The following CDC14B variants were observed in gnomAD, a reference collection of about 807,000 sequenced individuals.
CDC14B encodes the protein dual specificity protein phosphatase CDC14B.
Under a neutral mutation model 64.2 loss-of-function variants are expected in CDC14B, and 22 were observed. The observed-to-expected ratio is 0.34, with a 90% CI of 0.24 to 0.49. The LOEUF is 0.49. Among genes scored for constraint, CDC14B ranks in the 20% least tolerant of loss-of-function variants. The pLI is 0.99. For missense variants in CDC14B, 498 were observed against 629.9 expected (o/e 0.79, Z 2.24); for synonymous variants, 191 against 215.8 (o/e 0.89, Z 1.01).
intron 1 of CDC14B, among the ~76,000 whole-genome samples, chr9:96,611,613 G>A (rs1289116500): frequency 6.6e-6 from 1 of 152,092 alleles, no homozygotes; most frequent in African/African-American, 2.4e-5. Flanking sequence ...ATTTTTCCCA[G>A]GGTAATAAAA....
intron 1 of CDC14B, among the ~76,000 whole-genome samples, chr9:96,581,496 T>G (rs1323475879): frequency 6.6e-6 from 1 of 151,148 alleles, no homozygotes; most frequent in Non-Finnish European, 1.5e-5. Context: ...TTAAATTAAT[T>G]AAATTTAAAA....
intron 5 of CDC14B, among the ~76,000 whole-genome samples, chr9:96,545,723 T>G (rs563496182): frequency 6.6e-6 from 1 of 152,204 alleles, no homozygotes; most frequent in East Asian, 1.9e-4. Flanking sequence ...TTTTTTTTTT[T>G]TTTGAGAACC....
At chr9:96,494,710 TTTC>T (rs967633355) in intron 13 of CDC14B, among the ~76,000 whole-genome samples, 2 of 151,794 alleles carry the variant, frequency 1.3e-5, no homozygotes, top group African/African-American at 4.8e-5. Context: ...TCTTTCTTTC[TTTC>T]TTCCTTTCCT....
At position 96,507,646 on chromosome 9, in the gene CDC14B, C is replaced by T. The variant is rs182914534; in HGVS notation, c.1460+2027G>A. Among the ~76,000 whole-genome samples the T allele has an allele frequency of 1.6e-3, 248 of 152,122 alleles. 9 individuals are homozygous for T. The South Asian group carries it at 0.028, about 17-fold the overall frequency. On this transcript the variant is annotated intron_variant, in intron 13 of 13. Coordinates refer to ENST00000375241, the MANE Select transcript of CDC14B (RefSeq NM_033331.4). ...GGCCAGGCTGGTCTTGAACTCCTGA[C>T]CTCATAATCTACCTGCCTCGGCCTC... is the stretch of plus-strand genomic sequence containing the variant.
chr9:96,553,187 A>G (rs1475942687), intron 4 of CDC14B, among the ~76,000 whole-genome samples: 1 of 152,182 alleles, frequency 6.6e-6, no homozygotes, highest in Admixed American at 6.5e-5. Context: ...GAAATTTTTC[A>G]AAGTTCAAAG....
At chr9:96,555,147 C>T (rs951726316) in intron 4 of CDC14B, among the ~76,000 whole-genome samples, 4 of 152,198 alleles carry the variant, frequency 2.6e-5, no homozygotes, top group African/African-American at 9.7e-5. Flanking sequence ...GGCATTTCCA[C>T]CCTTGTGTGG....
intron 1 of CDC14B, among the ~76,000 whole-genome samples, chr9:96,599,033 G>A (rs539842935): frequency 4.6e-5 from 7 of 152,162 alleles, no homozygotes; most frequent in Non-Finnish European, 7.4e-5. Context: ...AAATTATGCC[G>A]TATCTTATAA....
chr9:96,588,710 C>T lies in CDC14B; in HGVS notation c.161-23227G>A, dbSNP rs1205924084. ...CTATGTTAACCAGACTGGTCTTGGA[C>T]TCCTGGGCTCAAGTGATCGTCCCAA... On this transcript the variant is annotated intron_variant, in intron 1 of 13. Coordinates refer to ENST00000375241, the MANE Select transcript of CDC14B (RefSeq NM_033331.4). Among the ~76,000 whole-genome samples, 4 of 152,120 alleles carry T rather than the reference C, an allele frequency of 2.6e-5. No individual in the cohort carries two copies. The South Asian group carries it at 8.3e-4, about 32-fold the overall frequency.
chr9:96,550,516 T>C (rs1411149945), intron 5 of CDC14B, among the ~76,000 whole-genome samples: 3 of 152,252 alleles, frequency 2.0e-5, no homozygotes, highest in Non-Finnish European at 4.4e-5. Flanking sequence ...GTTAGGGCCA[T>C]ACATTCAAAA....
chr9:96,593,491 A>G (rs1479705200), intron 1 of CDC14B, among the ~76,000 whole-genome samples: 1 of 151,790 alleles, frequency 6.6e-6, no homozygotes, highest in Non-Finnish European at 1.5e-5. Context: ...GGTCTCAAAA[A>G]AAAAAAAAAA....
At chr9:96,618,450 C>G (rs757702837) in intron 1 of CDC14B, 4 of 531,282 alleles carry the variant, frequency 7.5e-6, no homozygotes, top group Non-Finnish European at 1.5e-5. Context: ...CAAGAACAGT[C>G]GAATCAGCAC....
intron 1 of CDC14B, among the ~76,000 whole-genome samples, chr9:96,591,824 C>A (rs1050988541): frequency 6.6e-6 from 1 of 151,914 alleles, no homozygotes; most frequent in Non-Finnish European, 1.5e-5. Context: ...AGGCTCACTG[C>A]AAGCTCCGCC....
chr9:96,588,265 C>T (rs1433014877), intron 1 of CDC14B, among the ~76,000 whole-genome samples: 3 of 152,194 alleles, frequency 2.0e-5, no homozygotes, highest in South Asian at 2.1e-4. Flanking sequence ...ACTTATAAGC[C>T]GGCTTTTACA....
chr9:96,514,437 C>A (rs572408057), intron 12 of CDC14B: 1 of 985,286 alleles, frequency 1.0e-6, no homozygotes. Flanking sequence ...GGTCTGAATG[C>A]GCGACAATAA....
At chr9:96,607,092 C>T (rs1324484122) in intron 1 of CDC14B, among the ~76,000 whole-genome samples, 1 of 147,088 alleles carries the variant, frequency 6.8e-6, no homozygotes, top group Admixed American at 6.7e-5. Flanking sequence ...TTAAAAAAAA[C>T]AAAAAAAAAT....
In CDC14B at chr9:96,500,482, G is replaced by A. The variant is rs964139144; in HGVS notation, c.*3271C>T. 1.1e-4 allele frequency: 16 copies of A among 152,250 alleles called. No individual in the cohort carries two copies. The highest frequency in any genetic ancestry group is 3.6e-4 in the African/African-American group (15 of 41,286). 9.4% of individuals were successfully genotyped at this position (152,250 alleles called of 1,614,324 possible). The stretch of plus-strand genomic sequence containing the variant: ...ATAGAAAACTGCAGTACTATCATCG[G>A]ATGAACATGTCTGCTGACAATTCTA... On this transcript the variant is annotated 3_prime_UTR_variant, in exon 14 of 14. Transcript: ENST00000375241.
intron 9 of CDC14B, among the ~76,000 whole-genome samples, chr9:96,524,937 T>C (rs146889278): frequency 1.1e-3 from 170 of 152,282 alleles, no homozygotes; most frequent in African/African-American, 1.6e-3. Flanking sequence ...AACAACTACA[T>C]AGAAATGGAG....
chr9:96,514,186 G>C (rs1271629398), intron 12 of CDC14B, among the ~76,000 whole-genome samples: 1 of 152,190 alleles, frequency 6.6e-6, no homozygotes, highest in African/African-American at 2.4e-5. Flanking sequence ...GAAAAGAAGA[G>C]AGCCTGATAG....
chr9:96,573,153 A>G (rs564204191), intron 1 of CDC14B, among the ~76,000 whole-genome samples: 5 of 152,130 alleles, frequency 3.3e-5, no homozygotes, highest in Non-Finnish European at 5.9e-5. Flanking sequence ...TACTAAAAAT[A>G]CAAAAAATTA....
Sources: gnomAD v4.1 joint callset for allele counts (sites outside exome capture counted in the v4.1 genomes callset) on GRCh38, gnomAD v4.1.1 for gene constraint, MANE v1.5 for transcripts, NCBI Gene and HGNC (gene_info 2026-07-23, HGNC 2026-07-21) for gene names.